The following ADRA1D variants were observed in gnomAD, a reference collection of about 807,000 sequenced individuals.
ADRA1D encodes the protein adrenoceptor alpha 1D, also known as alpha-1D adrenergic receptor.
ADRA1D carries 22 observed loss-of-function variants against 18.6 expected under a neutral mutation model. That is an observed-to-expected ratio of 1.19 (90% CI 0.85 to 1.69). ADRA1D has a LOEUF of 1.69. Ranked by LOEUF, ADRA1D falls within the 40% of genes most tolerant of loss-of-function variation. The pLI is 0.00. For synonymous variants in ADRA1D, 376 were observed against 388.2 expected (o/e 0.97, Z 0.37); for missense variants, 840 against 840.7 (o/e 1.00, Z 0.01).
At chr20:4,241,656 C>A (rs1192678676) in intron 1 of ADRA1D, among the ~76,000 whole-genome samples, 1 of 152,114 alleles carries the variant, frequency 6.6e-6, no homozygotes, top group Non-Finnish European at 1.5e-5. Context: ...GACAATGATG[C>A]CATTACTGAA....
chr20:4,239,651 A>G lies in ADRA1D; in HGVS notation c.1111+8196T>C, dbSNP rs1016898801. On this transcript the variant is annotated intron_variant, in intron 1 of 1. Transcript: ENST00000379453. This position sits in a 1 kb window ranked among gnomAD's most constrained non-coding sequence, Gnocchi z 4.9. ...ATCTCAGAAGCCAACTGGAAGGAGT[A>G]CCCACTGGCCAAGCCCAAAACAATG... 6.6e-6 allele frequency among the ~76,000 whole-genome samples: 1 copy of G among 152,212 alleles called. No individual in the cohort carries two copies. Among genetic ancestry groups the G allele is most frequent in the African/African-American group, 2.4e-5 (1 of 41,456 alleles).
At chr20:4,230,046 C>T (rs996265607) in intron 1 of ADRA1D, among the ~76,000 whole-genome samples, 4 of 152,192 alleles carry the variant, frequency 2.6e-5, no homozygotes, top group African/African-American at 9.7e-5. Flanking sequence ...TGGCCCTTTG[C>T]ACTTTTTCCC....
At chr20:4,246,126 G>A (rs551687349) in intron 1 of ADRA1D, among the ~76,000 whole-genome samples, 6 of 152,276 alleles carry the variant, frequency 3.9e-5, no homozygotes, top group African/African-American at 9.6e-5. Flanking sequence ...TGGCGCCAGA[G>A]CCTGTGATCC....
intron 1 of ADRA1D, among the ~76,000 whole-genome samples, chr20:4,236,162 T>A (rs142333797): frequency 2.6e-5 from 4 of 152,248 alleles, no homozygotes; most frequent in Non-Finnish European, 4.4e-5. Context: ...GGGACCAAAG[T>A]CGTTGGGTTC....
chr20:4,221,257 A>G lies in ADRA1D; in HGVS notation c.*266T>C, dbSNP rs1980651293. Reference sequence around the variant, plus strand: ...CAGTGTTTCTCAAATAGGGATTGGGAGCAAAAGGCCCCACGGAGCCCGCAG... The same window carrying G: ...CAGTGTTTCTCAAATAGGGATTGGGGGCAAAAGGCCCCACGGAGCCCGCAG... On this transcript the variant is annotated 3_prime_UTR_variant, in exon 2 of 2. Coordinates refer to ENST00000379453, the MANE Select transcript of ADRA1D (RefSeq NM_000678.4). The G allele has an allele frequency of 2.6e-6, 1 of 388,466 alleles. No individual in the cohort carries two copies. Among genetic ancestry groups the G allele is most frequent in the Non-Finnish European group, 4.6e-6 (1 of 218,686 alleles). The allele number at this position is 388,466 out of a possible 1,614,324, so 24.1% of individuals were successfully genotyped here. A position where few individuals can be genotyped will look rare whatever the true frequency, so the allele number is the denominator to read the frequency against.
In ADRA1D at chr20:4,249,165, CGTGGAGTA is replaced by C; in HGVS notation, c.-216_-209del. 1 of 216,944 alleles carries C rather than the reference CGTGGAGTA, an allele frequency of 4.6e-6. No individual in the cohort carries two copies. The highest frequency in any genetic ancestry group is 1.2e-4 in the East Asian group (1 of 8,566). The allele number at this position is 216,944 out of a possible 1,614,324, so 13.4% of individuals were successfully genotyped here. A position where few individuals can be genotyped will look rare whatever the true frequency, so the allele number is the denominator to read the frequency against. On this transcript the variant is annotated 5_prime_UTR_variant, in exon 1 of 2. Coordinates refer to ENST00000379453, the MANE Select transcript of ADRA1D (RefSeq NM_000678.4). ...GGCGGCCGGGCTCCCCGAGGCCGGC[CGTGGAGTA>C]GCACCGAAGAGCCGGGGCCCGCTAC...
chr20:4,232,837 T>C (rs1331739949), intron 1 of ADRA1D, among the ~76,000 whole-genome samples: 1 of 152,200 alleles, frequency 6.6e-6, no homozygotes, highest in African/African-American at 2.4e-5. Context: ...GATGTGGTGA[T>C]AGAGAAGGCC....
At chr20:4,234,396 C>T (rs1209604877) in intron 1 of ADRA1D, among the ~76,000 whole-genome samples, 1 of 152,246 alleles carries the variant, frequency 6.6e-6, no homozygotes, top group Non-Finnish European at 1.5e-5. Flanking sequence ...CAGCCTTGCT[C>T]ATAACTTGTA....
chr20:4,248,291 C>A lies in ADRA1D; in HGVS notation c.667G>T (p.Val223Leu), dbSNP rs747498059. Reference sequence around the variant, plus strand: ...GGCCCTACGGACACCACCAGGGCTACGACCCAGAGCAGGGCCAGGATGGCG... The same window carrying A: ...GGCCCTACGGACACCACCAGGGCTAAGACCCAGAGCAGGGCCAGGATGGCG... Reference protein sequence around the residue: ...AAAILALLWVVALVVSVGPLL... With the variant: ...AAAILALLWVLALVVSVGPLL... Residue 223 changes from valine (V) to leucine (L), a missense_variant, in exon 1 of 2, where the codon GTA (valine) becomes TTA (leucine). Coordinates refer to ENST00000379453, the MANE Select transcript of ADRA1D (RefSeq NM_000678.4). The A allele has an allele frequency of 3.1e-6, 5 of 1,608,044 alleles. No individual in the cohort carries two copies.
In ADRA1D at chr20:4,221,065, G is replaced by A. The variant is rs1243560145; in HGVS notation, c.*458C>T. The A allele has an allele frequency of 6.5e-6, 1 of 153,940 alleles. No individual in the cohort carries two copies. 9.5% of individuals were successfully genotyped at this position (153,940 alleles called of 1,614,324 possible). ...GGTTCCTCCAGTTGGCAGTAAGAAG[G>A]AGAAATTTGTCCACTGAGGAGCCCT... On this transcript the variant is annotated 3_prime_UTR_variant, in exon 2 of 2. Transcript: ENST00000379453.
At chr20:4,232,571 A>G (rs1416598790) in intron 1 of ADRA1D, among the ~76,000 whole-genome samples, 1 of 152,126 alleles carries the variant, frequency 6.6e-6, no homozygotes, top group East Asian at 1.9e-4. Context: ...AATGACCCCA[A>G]ACTCCTGGGA....
intron 1 of ADRA1D, among the ~76,000 whole-genome samples, chr20:4,229,022 T>C (rs1270254272): frequency 1.3e-5 from 2 of 152,154 alleles, no homozygotes; most frequent in Non-Finnish European, 2.9e-5. Context: ...TGGGTGCCAC[T>C]CATCTCATCT....
intron 1 of ADRA1D, among the ~76,000 whole-genome samples, chr20:4,224,474 A>G (rs558467825): frequency 6.6e-6 from 1 of 152,296 alleles, no homozygotes; most frequent in African/African-American, 2.4e-5. Flanking sequence ...CAAAGGCACA[A>G]TCCAGGCAGC....
intron 1 of ADRA1D, among the ~76,000 whole-genome samples, chr20:4,247,393 TG>T (rs2122680897): frequency 6.6e-6 from 1 of 151,972 alleles, no homozygotes; most frequent in African/African-American, 2.4e-5. Context: ...GAAAAGCGGG[TG>T]GCTTCTGGCA....
chr20:4,227,053 C>T (rs887183096), intron 1 of ADRA1D, among the ~76,000 whole-genome samples: 2 of 152,230 alleles, frequency 1.3e-5, no homozygotes, highest in Admixed American at 6.5e-5. Flanking sequence ...TTTTCCTCTC[C>T]GTGGCATACC....
intron 1 of ADRA1D, among the ~76,000 whole-genome samples, chr20:4,246,623 AC>A (rs1208667277): frequency 6.6e-6 from 1 of 152,068 alleles, no homozygotes; most frequent in African/African-American, 2.4e-5. Flanking sequence ...AGGAAGGGGG[AC>A]CACATGTCTG....
At chr20:4,235,276 C>T (rs1294179132) in intron 1 of ADRA1D, among the ~76,000 whole-genome samples, 2 of 152,180 alleles carry the variant, frequency 1.3e-5, no homozygotes, top group African/African-American at 4.8e-5. Flanking sequence ...GGGAGGGCAG[C>T]TCCTAGAGCA....
At chr20:4,232,390 G>A (rs757582488) in intron 1 of ADRA1D, among the ~76,000 whole-genome samples, 26 of 152,294 alleles carry the variant, frequency 1.7e-4, no homozygotes, top group African/African-American at 5.5e-4. Flanking sequence ...TGGAGTGTGC[G>A]TGCTCGGAGC....
At chr20:4,232,764 C>A (rs973014925) in intron 1 of ADRA1D, among the ~76,000 whole-genome samples, 6 of 152,196 alleles carry the variant, frequency 3.9e-5, no homozygotes, top group Admixed American at 2.0e-4. Flanking sequence ...TCAATGGGAG[C>A]TGCTTCAACT....
Sources: gnomAD v4.1 joint callset for allele counts (sites outside exome capture counted in the v4.1 genomes callset) on GRCh38, gnomAD v4.1.1 for gene constraint, Gnocchi (gnomAD v3.1) non-coding constraint, MANE v1.5 for transcripts, NCBI Gene and HGNC (gene_info 2026-07-23, HGNC 2026-07-21) for gene names.